EYA4: variants seen among roughly 807,000 people sequenced by gnomAD.
EYA4 encodes the protein protein phosphatase EYA4.
Under a neutral mutation model 87.9 loss-of-function variants are expected in EYA4, and 31 were observed. The ratio of observed to expected loss-of-function variants is 0.35; its 90% CI spans 0.27 to 0.48. The LOEUF is 0.48. Ranked by LOEUF, EYA4 falls within the 20% of genes least tolerant of loss-of-function variation. The pLI, the probability that EYA4 is intolerant of heterozygous loss-of-function variation, is 0.99. For missense variants in EYA4, 678 were observed against 761.4 expected (o/e 0.89, Z 1.29); for synonymous variants, 263 against 270.6 (o/e 0.97, Z 0.28).
chr6:133,400,334 C>G (rs6905230), intron 3 of EYA4, among the ~76,000 whole-genome samples: 10,112 of 151,868 alleles, frequency 0.067, 1,032 homozygotes, highest in African/African-American at 0.22. Context: ...ATGGTGAAAC[C>G]CTGTCTCTAC....
chr6:133,254,602 G>GT lies in EYA4; in HGVS notation c.-66+12856dup, dbSNP rs535540486. ...GAAATAACATTAAATTAAGATTATTGTTTCCAATAGTTTCAAAAATTGTGG... is the reference window on the plus strand; with the variant it reads ...GAAATAACATTAAATTAAGATTATTGTTTTCCAATAGTTTCAAAAATTGTGG... On this transcript the variant is annotated intron_variant, in intron 1 of 19. Transcript: ENST00000355286. 2.5e-3 allele frequency among the ~76,000 whole-genome samples: 388 copies of GT among 152,200 alleles called. 1 individual carries two copies. The highest frequency in any genetic ancestry group is 3.3e-3 in the South Asian group (16 of 4,810).
chr6:133,265,677 A>G (rs1776158163), intron 1 of EYA4, among the ~76,000 whole-genome samples: 1 of 152,192 alleles, frequency 6.6e-6, no homozygotes, highest in Non-Finnish European at 1.5e-5. Flanking sequence ...CAAGAAAAAA[A>G]TTCACGTTAC....
chr6:133,530,077 GATGGTGTCT>G lies in EYA4; in HGVS notation c.*1274_*1282del. 1 of 985,158 alleles carries G rather than the reference GATGGTGTCT, an allele frequency of 1.0e-6. No homozygotes were observed. The highest frequency in any genetic ancestry group is 1.1e-4 in the East Asian group (1 of 8,808). 61.0% of individuals were successfully genotyped at this position (985,158 alleles called of 1,614,324 possible). On this transcript the variant is annotated 3_prime_UTR_variant, in exon 20 of 20. Transcript: ENST00000355286. ...TCAGAAATGGAAGGCAGTTCTCCCAGATGGTGTCTAATGAAAGCAATGAGTCTATGAAAA... is the reference window on the plus strand; with the variant it reads ...TCAGAAATGGAAGGCAGTTCTCCCAGAATGAAAGCAATGAGTCTATGAAAA...
Position 133,461,097 on chromosome 6 carries a change from A to C in EYA4, c.371-17A>C, listed in dbSNP as rs749224573. 3 of 1,594,432 alleles carry C rather than the reference A, an allele frequency of 1.9e-6. No homozygotes were observed. In the East Asian group the frequency reaches 6.7e-5, roughly 36 times the overall value. Reference sequence around the variant, plus strand: ...ATGAAGCAACCTTTGGTGCACTGGTATTTTTGTGTCTTACAGTAATTACAA... The same window carrying C: ...ATGAAGCAACCTTTGGTGCACTGGTCTTTTTGTGTCTTACAGTAATTACAA... On this transcript the variant is annotated splice_polypyrimidine_tract_variant and intron_variant, in intron 6 of 19. Coordinates refer to ENST00000355286, the MANE Select transcript of EYA4 (RefSeq NM_004100.5).
At chr6:133,321,357 C>CTG (rs1472937273) in intron 2 of EYA4, among the ~76,000 whole-genome samples, 31 of 152,116 alleles carry the variant, frequency 2.0e-4, no homozygotes, top group African/African-American at 7.2e-4. Flanking sequence ...TATGTGCAGT[C>CTG]CCCTTTTCTG....
At chr6:133,389,307 T>C (rs775428090) in intron 3 of EYA4, among the ~76,000 whole-genome samples, 4 of 152,104 alleles carry the variant, frequency 2.6e-5, no homozygotes, top group Non-Finnish European at 5.9e-5. Context: ...AAGGAAGCCT[T>C]CCCTATCCAG....
At chr6:133,407,541 AC>A (rs1788825547) in intron 3 of EYA4, among the ~76,000 whole-genome samples, 2 of 151,754 alleles carry the variant, frequency 1.3e-5, no homozygotes, top group African/African-American at 4.8e-5. Flanking sequence ...CAGCATGCCA[AC>A]CCCCCTCACT....
chr6:133,485,044 A>G (rs1219159139), intron 13 of EYA4, among the ~76,000 whole-genome samples: 1 of 152,220 alleles, frequency 6.6e-6, no homozygotes, highest in Non-Finnish European at 1.5e-5. Context: ...TTTGTCAAAA[A>G]TACCATAGAG....
chr6:133,493,082 A>C (rs1333791050), intron 13 of EYA4, among the ~76,000 whole-genome samples: 2 of 152,168 alleles, frequency 1.3e-5, no homozygotes, highest in Non-Finnish European at 2.9e-5. Context: ...GACATTCTTC[A>C]CAGAAAAAAA....
chr6:133,382,585 T>C (rs1247739225), intron 3 of EYA4, 144 bp downstream of exon 3: 1 of 761,910 alleles, frequency 1.3e-6, no homozygotes, highest in African/African-American at 1.7e-5. Context: ...TATATCATGC[T>C]GGCTAGCGTA....
chr6:133,244,985 A>G (rs1033971124), intron 1 of EYA4: 1 of 152,290 alleles, frequency 6.6e-6, no homozygotes, highest in South Asian at 2.1e-4. Flanking sequence ...CACAGTTTTT[A>G]TACAGATTTC....
chr6:133,513,877 A>G (rs1799371091), intron 16 of EYA4, among the ~76,000 whole-genome samples: 1 of 152,188 alleles, frequency 6.6e-6, no homozygotes, highest in South Asian at 2.1e-4. Context: ...CCAATATACT[A>G]AATATACATG....
intron 1 of EYA4, among the ~76,000 whole-genome samples, chr6:133,271,252 G>T (rs1480002045): frequency 6.6e-6 from 1 of 152,164 alleles, no homozygotes; most frequent in Non-Finnish European, 1.5e-5. Context: ...AGTTGGCATT[G>T]TAATTGTGAC....
At chr6:133,521,398 A>G (rs1370874294) in intron 17 of EYA4, among the ~76,000 whole-genome samples, 3,488 of 143,770 alleles carry the variant, frequency 0.024, 97 homozygotes, top group African/African-American at 0.085. Context: ...AGAAATGCAA[A>G]TCAAAACCAC....
chr6:133,460,790 T>C (rs999572917), intron 6 of EYA4, among the ~76,000 whole-genome samples: 2 of 152,094 alleles, frequency 1.3e-5, no homozygotes, highest in African/African-American at 4.8e-5. Context: ...AAAATTTACT[T>C]TTATATTTTG....
intron 2 of EYA4, among the ~76,000 whole-genome samples, chr6:133,293,118 CTCTTCTTTG>C (rs1778622070): frequency 1.3e-5 from 2 of 152,152 alleles, no homozygotes; most frequent in Admixed American, 6.5e-5. Context: ...TTTTGAATTT[CTCTTCTTTG>C]TCTTCAGCAT....
intron 1 of EYA4, among the ~76,000 whole-genome samples, chr6:133,256,179 C>T (rs1582761327): frequency 6.6e-6 from 1 of 150,860 alleles, no homozygotes; most frequent in African/African-American, 2.4e-5. Flanking sequence ...ATAAATAATT[C>T]TATTAACGAT....
intron 3 of EYA4, among the ~76,000 whole-genome samples, chr6:133,445,178 A>G (rs1792688279): frequency 6.6e-6 from 1 of 152,182 alleles, no homozygotes; most frequent in South Asian, 2.1e-4. Flanking sequence ...CAAGTTTAAT[A>G]TAACACTTCA....
chr6:133,510,087 G>C (rs958706172), intron 14 of EYA4, among the ~76,000 whole-genome samples: 1 of 152,166 alleles, frequency 6.6e-6, no homozygotes, highest in Non-Finnish European at 1.5e-5. Context: ...GGTCCAATAA[G>C]TGTGATATAC....
Sources: gnomAD v4.1 joint callset for allele counts (sites outside exome capture counted in the v4.1 genomes callset) on GRCh38, gnomAD v4.1.1 for gene constraint, MANE v1.5 for transcripts, NCBI Gene and HGNC (gene_info 2026-07-23, HGNC 2026-07-21) for gene names.